Variants in FBXO5 observed in about 807,000 individuals in gnomAD.
FBXO5 encodes the protein F-box only protein 5.
In FBXO5, 8 loss-of-function variants were observed where a neutral mutation model predicts 43.3. The observed-to-expected ratio is 0.18, with a 90% CI of 0.11 to 0.33. The LOEUF (loss-of-function observed/expected upper bound fraction) is 0.33. Among genes scored for constraint, FBXO5 ranks in the 10% least tolerant of loss-of-function variants. The pLI is 1.00. For missense variants in FBXO5, 491 were observed against 535.7 expected (o/e 0.92, Z 0.82); for synonymous variants, 204 against 193.7 (o/e 1.05, Z -0.44).
intron 2 of FBXO5, chr6:152,973,450 T>A (rs1778117106): frequency 4.7e-6 from 1 of 212,564 alleles, no homozygotes. Context: ...TGATACCATG[T>A]TAGCTATCTG....
chr6:152,983,003 G>A lies in FBXO5; in HGVS notation c.-44C>T, dbSNP rs1778289990. 3 of 1,260,326 alleles carry A rather than the reference G, an allele frequency of 2.4e-6. No homozygotes were observed. Among genetic ancestry groups the A allele is most frequent in the South Asian group, 1.8e-5 (1 of 54,408 alleles). 78.1% of individuals were successfully genotyped at this position (1,260,326 alleles called of 1,614,324 possible). A position where few individuals can be genotyped will look rare whatever the true frequency, so the allele number is the denominator to read the frequency against. ...TGCCTCAGGTGGAGGAACCGCTCCG[G>A]GGGCAGCTGAGCAACCTGCCTGCTT... On this transcript the variant is annotated 5_prime_UTR_variant, in exon 1 of 5. Coordinates refer to ENST00000229758, the MANE Select transcript of FBXO5 (RefSeq NM_012177.5).
intron 4 of FBXO5, among the ~76,000 whole-genome samples, chr6:152,971,801 T>G (rs1197256442): frequency 6.6e-6 from 1 of 152,190 alleles, no homozygotes; most frequent in East Asian, 1.9e-4. Flanking sequence ...GATCTGAAGG[T>G]ATAATAGAAG....
At chr6:152,974,206 CAAA>C (rs74642777) in intron 2 of FBXO5, among the ~76,000 whole-genome samples, 7 of 128,802 alleles carry the variant, frequency 5.4e-5, no homozygotes, top group African/African-American at 1.4e-4. Flanking sequence ...AACCCTGTCT[CAAA>C]AAAAAAAAAA....
chr6:152,979,528 T>A (rs987202412), intron 1 of FBXO5, among the ~76,000 whole-genome samples: 1 of 152,212 alleles, frequency 6.6e-6, no homozygotes, highest in Non-Finnish European at 1.5e-5. Context: ...CTTTTTCCAT[T>A]TGAAACTTTT....
upstream of FBXO5, chr6:152,983,507 G>C (rs956772756): frequency 1.3e-5 from 2 of 152,392 alleles, no homozygotes; most frequent in Admixed American, 6.5e-5. Flanking sequence ...AACTCGGCTC[G>C]TCCGGGAATC....
In FBXO5 at chr6:152,982,421, T is replaced by C. The variant is rs139442728; in HGVS notation, c.103+436A>G. Among the ~76,000 whole-genome samples, 906 of 151,486 alleles carry C rather than the reference T, an allele frequency of 6.0e-3. 7 individuals carry two copies. Among genetic ancestry groups the C allele is most frequent in the African/African-American group, 0.021 (850 of 41,216 alleles). On this transcript the variant is annotated intron_variant, in intron 1 of 4. Transcript: ENST00000229758. ...AGAAAAGGGGCGCAGGGGGAGAAGG[T>C]GAGGCACCTGGCCAGGCCCTGGGGG...
intron 1 of FBXO5, among the ~76,000 whole-genome samples, chr6:152,981,185 T>C (rs1778253015): frequency 6.6e-6 from 1 of 152,206 alleles, no homozygotes; most frequent in South Asian, 2.1e-4. Flanking sequence ...TTCCCCCAAG[T>C]GCAGACACTA....
intron 1 of FBXO5, among the ~76,000 whole-genome samples, chr6:152,980,738 C>T (rs980201211): frequency 1.3e-5 from 2 of 152,142 alleles, no homozygotes; most frequent in African/African-American, 4.8e-5. Flanking sequence ...TGCTAATCTA[C>T]TAGATCTGGA....
chr6:152,982,635 C>T (rs1377126433), intron 1 of FBXO5, among the ~76,000 whole-genome samples: 2 of 152,130 alleles, frequency 1.3e-5, no homozygotes, highest in Non-Finnish European at 2.9e-5. Flanking sequence ...ACCCCGCGGC[C>T]CGCCATCCCG....
At chr6:152,972,479 G>C (rs776390820) in intron 3 of FBXO5, 25 bp from the exon 4 acceptor site, 1 of 1,494,052 alleles carries the variant, frequency 6.7e-7, no homozygotes. Flanking sequence ...AGTTTTAATA[G>C]AATTTAGAAA....
chr6:152,982,192 TG>T (rs60403210), intron 1 of FBXO5, among the ~76,000 whole-genome samples: 10 of 151,982 alleles, frequency 6.6e-5, no homozygotes, highest in African/African-American at 2.2e-4. Flanking sequence ...TCCAATGAGT[TG>T]GGGGGGTGTC....
chr6:152,972,637 T>G, intron 3 of FBXO5, 183 bp from the exon 4 acceptor site: 1 of 543,488 alleles, frequency 1.8e-6, no homozygotes, highest in Non-Finnish European at 3.2e-6. Context: ...ATATCAAGCC[T>G]AACTTATAGA....
At chr6:152,980,926 T>C (rs1292264658) in intron 1 of FBXO5, among the ~76,000 whole-genome samples, 1 of 152,204 alleles carries the variant, frequency 6.6e-6, no homozygotes, top group Non-Finnish European at 1.5e-5. Flanking sequence ...GCAAAGTCCC[T>C]ATCACAAGGG....
Position 152,982,850 on chromosome 6 carries a change from C to A in FBXO5, c.103+7G>T. The A allele has an allele frequency of 6.7e-7, 1 of 1,500,192 alleles. No homozygotes were observed. The highest frequency in any genetic ancestry group is 8.8e-7 in the Non-Finnish European group (1 of 1,130,760). The allele number at this position is 1,500,192 out of a possible 1,614,324, so 92.9% of individuals were successfully genotyped here. The stretch of plus-strand genomic sequence containing the variant: ...GCGCCCCCCTCGCGACCGCTCCCCT[C>A]ACTCACTATCCGAGGGTCGAGGGCG... On this transcript the variant is annotated splice_region_variant and intron_variant, in intron 1 of 4. Transcript: ENST00000229758.
chr6:152,972,767 C>A (rs1295605355), intron 3 of FBXO5: 1 of 489,260 alleles, frequency 2.0e-6, no homozygotes, highest in Non-Finnish European at 3.6e-6. Context: ...TACACATACA[C>A]ACAACTGGCA....
Position 152,978,376 on chromosome 6 carries a change from T to TGGGGGGGGGGGG in FBXO5, c.104-2756_104-2755insCCCCCCCCCCCC, listed in dbSNP as rs1234180495. On this transcript the variant is annotated intron_variant, in intron 1 of 4. Coordinates refer to ENST00000229758, the MANE Select transcript of FBXO5 (RefSeq NM_012177.5). ...CATTAATCATGGAGAGCTTCATTTT[T>TGGGGGGGGGGGG]TGGGGGGGGGGGGGGGGCGGGGGAC... Among the ~76,000 whole-genome samples the TGGGGGGGGGGGG allele has an allele frequency of 1.6e-3, 9 of 5,710 alleles. 4 individuals carry two copies. The highest frequency in any genetic ancestry group is 0.022 in the East Asian group (2 of 92). 3.7% of individuals were successfully genotyped at this position (5,710 alleles called of 152,430 possible). A position where few individuals can be genotyped will look rare whatever the true frequency, so the allele number is the denominator to read the frequency against.
At chr6:152,983,211 A>G, upstream of FBXO5, 1 of 376,232 alleles carries the variant, frequency 2.7e-6, no homozygotes, top group East Asian at 3.9e-5. Flanking sequence ...CGAGCCGCGA[A>G]GCCCAGCCCC....
intron 3 of FBXO5, 176 bp from the exon 4 acceptor site, chr6:152,972,630 T>C: frequency 1.8e-6 from 1 of 553,314 alleles, no homozygotes. Context: ...CTCACACATA[T>C]CAAGCCTAAC....
chr6:152,972,172 A>C (rs1025098356), intron 4 of FBXO5, 100 bp downstream of exon 4: 2 of 715,284 alleles, frequency 2.8e-6, no homozygotes, highest in African/African-American at 3.5e-5. Context: ...TAAATTAGTT[A>C]TTATCTAGAG....
Sources: allele counts gnomAD v4.1 joint callset (sites outside exome capture counted in the v4.1 genomes callset), GRCh38; gene constraint gnomAD v4.1.1; transcripts MANE v1.5; gene names NCBI Gene and HGNC (gene_info 2026-07-23, HGNC 2026-07-21).